Variants in AHNAK observed in about 807,000 individuals in gnomAD.
AHNAK encodes the protein AHNAK nucleoprotein.
AHNAK carries 23 observed loss-of-function variants against 37.8 expected under a neutral mutation model. The ratio of observed to expected loss-of-function variants is 0.61; its 90% CI spans 0.44 to 0.86. The LOEUF (loss-of-function observed/expected upper bound fraction) is 0.86, where lower values mean the gene tolerates loss of function less well. AHNAK is among the 40% of genes least tolerant of loss of function. The probability of loss-of-function intolerance (pLI) is 0.00; values close to 1 mark genes in which losing one functional copy is unlikely to be tolerated. For synonymous variants in AHNAK, 2,481 were observed against 2,636.3 expected, an observed-to-expected ratio of 0.94 and a Z score of 1.80; for missense variants, 7,411 against 7,319.4, an observed-to-expected ratio of 1.01 and a Z score of -0.46.
Position 62,529,667 on chromosome 11 carries a change from C to T in AHNAK, c.4750G>A (p.Val1584Ile), listed in dbSNP as rs1340874081. Residue 1584 changes from valine to isoleucine, a missense_variant, in exon 5 of 5, where the codon GTT (valine) becomes ATT (isoleucine). Coordinates refer to ENST00000378024, the MANE Select transcript of AHNAK (RefSeq NM_001620.3). ...IQTHKISMPDVGLNLKAPKLK... is the reference protein window; with the variant it reads ...IQTHKISMPDIGLNLKAPKLK... ...TTAGGGGCTTTCAAATTAAGTCCAA[C>T]ATCAGGCATAGAGATTTTGTGCGTC... is the stretch of plus-strand genomic sequence containing the variant. 8.1e-6 allele frequency: 13 copies of T among 1,614,178 alleles called. No individual in the cohort carries two copies. The highest frequency in any genetic ancestry group is 1.1e-5 in the Non-Finnish European group (13 of 1,180,044).
intron 5 of AHNAK, among the ~76,000 whole-genome samples, chr11:62,481,213 C>A (rs1433807969): frequency 1.3e-5 from 2 of 151,582 alleles, no homozygotes; most frequent in Non-Finnish European, 2.9e-5. Flanking sequence ...TCAAGCAGTT[C>A]TCCTGTCTCA....
chr11:62,522,931 G>C lies in AHNAK; in HGVS notation c.11486C>G (p.Pro3829Arg), dbSNP rs763513678. 3.7e-6 allele frequency: 6 copies of C among 1,612,814 alleles called. No homozygotes were observed. The highest frequency in any genetic ancestry group is 2.2e-5 in the East Asian group (1 of 44,794). ...GEGPDVDVNL[P>R]KADLDVSGPK... ...TCCTGAGACATCAAGGTCAGCCTTG[G>C]GCAGGTTCACATCCACATCTGGGCC... The change falls in exon 5 of 5, where the codon CCC (proline) becomes CGC (arginine). Residue 3829 changes from proline to arginine, a missense_variant. Coordinates refer to ENST00000378024, the MANE Select transcript of AHNAK (RefSeq NM_001620.3).
intron 5 of AHNAK, among the ~76,000 whole-genome samples, chr11:62,464,623 G>A (rs981549901): frequency 3.3e-5 from 5 of 151,612 alleles, no homozygotes; most frequent in Admixed American, 6.6e-5. Context: ...AGTTGAGATC[G>A]TGCCACTGTA....
rs17157290 is a variant in AHNAK at position 62,449,957 on chromosome 11, A to G, written c.443-16066T>C. ...GTCTTTTTCCTGCGTGAAAATCTCC[A>G]GTGGAGGCAGAGCGCAGTGGTTCAC... On this transcript the variant is annotated intron_variant, in intron 5 of 5. Coordinates refer to the AHNAK transcript ENST00000257247. 1.9e-3 allele frequency among the ~76,000 whole-genome samples: 294 copies of G among 152,218 alleles called. 1 individual carries two copies. The highest frequency in any genetic ancestry group is 0.015 in the East Asian group (77 of 5,178).
Position 62,529,835 on chromosome 11 carries a change from G to A in AHNAK, c.4582C>T (p.Pro1528Ser), listed in dbSNP as rs758526978. The A allele has an allele frequency of 1.7e-5, 27 of 1,613,760 alleles. No homozygotes were observed. The Admixed American group carries it at 4.2e-4, about 25-fold the overall frequency. ...TTGGGCAGGTTCATATCCACCTCTG[G>A]GCCCTCTCCTTTAAAGCCAGGCATG... is the stretch of plus-strand genomic sequence containing the variant. ...FSMPGFKGEGPEVDMNLPKAD... is the reference protein window; with the variant it reads ...FSMPGFKGEGSEVDMNLPKAD... Residue 1528 changes from proline (P) to serine (S), a missense_variant, in exon 5 of 5, where the codon CCA becomes TCA. Physicochemically the swap from Pro to Ser is moderately conservative, Grantham distance 74 (BLOSUM62 -1). Coordinates refer to ENST00000378024, the MANE Select transcript of AHNAK (RefSeq NM_001620.3).
At chr11:62,494,828 T>C (rs1468776922) in intron 4 of AHNAK, among the ~76,000 whole-genome samples, 1 of 151,848 alleles carries the variant, frequency 6.6e-6, no homozygotes, top group Admixed American at 6.6e-5. Flanking sequence ...CTGACCAACA[T>C]GGTCTCTACT....
In AHNAK at chr11:62,524,904, G is replaced by A. The variant is rs139180330; in HGVS notation, c.9513C>T (p.Asp3171=). The part of the protein sequence containing the change: ...PGFKGEGPEV[D]VNLPKADLDV... ...CAAGGTCAGCCTTGGGCAGGTTCACGTCCACTTCTGGACCTTCTCCTTTGA... is the reference window on the plus strand; with the variant it reads ...CAAGGTCAGCCTTGGGCAGGTTCACATCCACTTCTGGACCTTCTCCTTTGA... The change falls in exon 5 of 5, where the codon GAC becomes GAT. Residue 3171 remains aspartate (D), a synonymous_variant. Transcript: ENST00000378024. The A allele has an allele frequency of 2.0e-4, 317 of 1,611,052 alleles. No homozygotes were observed. In the African/African-American group the frequency reaches 2.0e-3, roughly 10 times the overall value.
At chr11:62,535,887 A>C in intron 3 of AHNAK, 58 bp downstream of exon 3, 3 of 1,546,386 alleles carry the variant, frequency 1.9e-6, no homozygotes, top group Non-Finnish European at 2.6e-6. Context: ...CCTTCCCTCC[A>C]ACACCCCCAC....
intron 5 of AHNAK, among the ~76,000 whole-genome samples, chr11:62,463,123 C>CAA (rs142849834): frequency 1.8e-4 from 14 of 77,818 alleles, no homozygotes; most frequent in East Asian, 9.8e-4. Context: ...GACTCAGTCT[C>CAA]AAAAAAAAAA....
intron 5 of AHNAK, among the ~76,000 whole-genome samples, chr11:62,448,665 T>G (rs919870250): frequency 6.6e-6 from 1 of 152,114 alleles, no homozygotes; most frequent in Non-Finnish European, 1.5e-5. Context: ...ATTTGGGAAA[T>G]GCTGAGCTTG....
intron 1 of AHNAK, among the ~76,000 whole-genome samples, chr11:62,536,798 G>A (rs1233809632): frequency 6.6e-6 from 1 of 152,026 alleles, no homozygotes; most frequent in Admixed American, 6.5e-5. Context: ...TCTAGCTGTG[G>A]GACCCTGGCC....
At position 62,525,858 on chromosome 11, in the gene AHNAK, C is replaced by T. The variant is rs367606047; in HGVS notation, c.8559G>A (p.Val2853=). 6.2e-7 allele frequency: 1 copy of T among 1,614,128 alleles called. No individual in the cohort carries two copies. Among genetic ancestry groups the T allele is most frequent in the South Asian group, 1.1e-5 (1 of 91,084 alleles). ...NLTGPKIKGD[V]DVTGPKVEGD... is the part of the protein sequence containing the mutation. Reference sequence around the variant, plus strand: ...CCTCTACCTTAGGGCCTGTAACATCCACATCTCCTTTTATTTTTGGACCTG... The same window carrying T: ...CCTCTACCTTAGGGCCTGTAACATCTACATCTCCTTTTATTTTTGGACCTG... Residue 2853 remains valine (V), a synonymous_variant, in exon 5 of 5, where the codon GTG becomes GTA. Coordinates refer to ENST00000378024, the MANE Select transcript of AHNAK (RefSeq NM_001620.3).
intron 1 of AHNAK, among the ~76,000 whole-genome samples, chr11:62,544,963 T>C (rs917402216): frequency 1.9e-4 from 29 of 152,130 alleles, no homozygotes; most frequent in Non-Finnish European, 1.0e-4. Flanking sequence ...GCAGGAGCCC[T>C]GCAATCCGAG....
chr11:62,524,492 C>T lies in AHNAK; in HGVS notation c.9925G>A (p.Gly3309Arg). The change falls in exon 5 of 5, where the codon GGA becomes AGA. Residue 3309 changes from glycine to arginine, a missense_variant. By Grantham distance (125) the Gly-to-Arg change is moderately radical. Transcript: ENST00000378024. Reference sequence around the variant, plus strand: ...TTGGGCCCAGAGACATCAACATCTCCCTTAAGCTTTGAGCCTTTCAAATTC... The same window carrying T: ...TTGGGCCCAGAGACATCAACATCTCTCTTAAGCTTTGAGCCTTTCAAATTC... ...DLNLKGSKLK[G>R]DVDVSGPKLE... 6.2e-7 allele frequency: 1 copy of T among 1,614,142 alleles called. No individual in the cohort carries two copies. The highest frequency in any genetic ancestry group is 8.5e-7 in the Non-Finnish European group (1 of 1,180,022).
Position 62,531,198 on chromosome 11 carries a change from G to A in AHNAK, c.3219C>T (p.Asp1073=). The A allele has an allele frequency of 1.2e-6, 2 of 1,613,994 alleles. No homozygotes were observed. The highest frequency in any genetic ancestry group is 1.7e-6 in the Non-Finnish European group (2 of 1,180,020). The change falls in exon 5 of 5, where the codon GAC becomes GAT. Residue 1073 remains aspartate, a synonymous_variant. Coordinates refer to ENST00000378024, the MANE Select transcript of AHNAK (RefSeq NM_001620.3). ...RAPKMSLPDV[D]LDLKGPKMKG... ...TCATTTTGGGTCCTTTAAGATCCAGGTCAACATCTGGCAAAGACATCTTAG... is the reference window on the plus strand; with the variant it reads ...TCATTTTGGGTCCTTTAAGATCCAGATCAACATCTGGCAAAGACATCTTAG...
intron 4 of AHNAK, among the ~76,000 whole-genome samples, chr11:62,494,444 C>T (rs1005931459): frequency 2.0e-5 from 3 of 151,930 alleles, no homozygotes; most frequent in African/African-American, 4.8e-5. Flanking sequence ...ACATGCCAAA[C>T]GATTTTTACC....
In AHNAK at chr11:62,517,029, C is replaced by A; in HGVS notation, c.17388G>T (p.Thr5796=). The A allele has an allele frequency of 6.2e-7, 1 of 1,614,184 alleles. No homozygotes were observed. Among genetic ancestry groups the A allele is most frequent in the Non-Finnish European group, 8.5e-7 (1 of 1,180,028 alleles). The change falls in exon 5 of 5, where the codon ACG becomes ACT. Residue 5796 remains threonine, a synonymous_variant. Transcript: ENST00000378024. ...CCCCACCTTCAAACTCCAGCGTCCC[C>A]GTCGGGGTGGAAGGTCCAGAGAACT... is the stretch of plus-strand genomic sequence containing the variant. ...EREFSGPSTP[T]GTLEFEGGEV...
At chr11:62,514,736 T>C (rs1035344208), downstream of AHNAK, among the ~76,000 whole-genome samples, 7 of 152,114 alleles carry the variant, frequency 4.6e-5, no homozygotes, top group Middle Eastern at 3.2e-3. Context: ...AAGCTGTAGG[T>C]CGGTCATCTA....
intron 5 of AHNAK, among the ~76,000 whole-genome samples, chr11:62,472,505 A>G (rs541412370): frequency 6.6e-6 from 1 of 151,778 alleles, no homozygotes; most frequent in East Asian, 1.9e-4. Context: ...TGTCACCCTT[A>G]CCCAAATCTC....
Sources: gnomAD v4.1 joint callset for allele counts (sites outside exome capture counted in the v4.1 genomes callset) on GRCh38, gnomAD v4.1.1 for gene constraint, MANE v1.5 for transcripts, NCBI Gene and HGNC (gene_info 2026-07-23, HGNC 2026-07-21) for gene names.